The following CNTLN variants were observed in gnomAD, a reference collection of about 807,000 sequenced individuals.
The protein encoded by CNTLN is centlein, also known as centlein, centrosomal protein.
A neutral mutation model predicts 180.0 loss-of-function variants in CNTLN; 212 were observed. The observed-to-expected ratio is 1.18, with a 90% CI of 1.05 to 1.32. The LOEUF (loss-of-function observed/expected upper bound fraction) is 1.32, where lower values mean the gene tolerates loss of function less well. CNTLN is among the 40% of genes most tolerant of loss of function. The pLI is 0.00. For missense variants in CNTLN, 2,095 were observed against 1,610.9 expected (o/e 1.30, Z -5.14); for synonymous variants, 722 against 563.1 (o/e 1.28, Z -3.99).
downstream of CNTLN, among the ~76,000 whole-genome samples, chr9:17,508,597 C>T (rs899444229): frequency 1.4e-4 from 22 of 152,116 alleles, no homozygotes; most frequent in Admixed American, 6.5e-5. Flanking sequence ...AATCCCTGGC[C>T]GCCACCGACC....
intron 1 of CNTLN, among the ~76,000 whole-genome samples, chr9:17,142,688 A>T (rs557918434): frequency 1.1e-4 from 16 of 152,296 alleles, no homozygotes; most frequent in Admixed American, 8.5e-4. Flanking sequence ...CTTTTAAAAC[A>T]TACTGATGCT....
chr9:17,325,039 A>G (rs1327586126), intron 8 of CNTLN, among the ~76,000 whole-genome samples: 2 of 151,746 alleles, frequency 1.3e-5, no homozygotes, highest in East Asian at 3.9e-4. Context: ...ATTTGTTGAT[A>G]TTAGACATTT....
intron 18 of CNTLN, among the ~76,000 whole-genome samples, chr9:17,437,878 G>A (rs992763362): frequency 1.3e-5 from 2 of 152,088 alleles, no homozygotes; most frequent in African/African-American, 4.8e-5. Flanking sequence ...AGAGTTATTC[G>A]TTCCTGTCAT....
chr9:17,137,926 G>A (rs1383689378), intron 1 of CNTLN, among the ~76,000 whole-genome samples: 2 of 152,124 alleles, frequency 1.3e-5, no homozygotes, highest in South Asian at 2.1e-4. Context: ...ATGGCCCCCT[G>A]ATTAGCAACT....
At position 17,377,462 on chromosome 9, in the gene CNTLN, A is replaced by C. The variant is rs570091004; in HGVS notation, c.1988-10700A>C. 2.0e-5 allele frequency among the ~76,000 whole-genome samples: 3 copies of C among 152,240 alleles called. No homozygotes were observed. The East Asian group carries it at 5.8e-4, about 29-fold the overall frequency. ...AGGCTGAGACAGGATAATCCCTTGA[A>C]CACAGTGGGCAGAGGTTGCAGTGAG... is the stretch of plus-strand genomic sequence containing the variant. On this transcript the variant is annotated intron_variant, in intron 13 of 25. Coordinates refer to ENST00000380647, the MANE Select transcript of CNTLN (RefSeq NM_017738.4).
intron 13 of CNTLN, among the ~76,000 whole-genome samples, chr9:17,387,401 G>A (rs1587851384): frequency 6.6e-6 from 1 of 151,996 alleles, no homozygotes; most frequent in East Asian, 1.9e-4. Context: ...ATTTGTCATA[G>A]TAATTTATCT....
At chr9:17,389,015 T>C (rs1025921914) in intron 14 of CNTLN, among the ~76,000 whole-genome samples, 4 of 151,992 alleles carry the variant, frequency 2.6e-5, no homozygotes, top group African/African-American at 4.8e-5. Context: ...GATTTTAGTT[T>C]TTTACAGAAC....
rs539259339 is a variant in CNTLN, at chr9:17,290,586, T to C, written c.984-7604T>C. 2.7e-3 allele frequency among the ~76,000 whole-genome samples: 378 copies of C among 140,742 alleles called. 11 individuals are homozygous for C. Among genetic ancestry groups the C allele is most frequent in the African/African-American group, 9.3e-3 (363 of 38,938 alleles). The allele number at this position is 140,742 out of a possible 152,430, so 92.3% of individuals were successfully genotyped here. On this transcript the variant is annotated intron_variant, in intron 6 of 25. Transcript: ENST00000380647. ...TGTTTACCTAAGGAAGCCTGGGCAATGGCGGGCGCCCCTCCCCCAGCCTGG... is the reference window on the plus strand; with the variant it reads ...TGTTTACCTAAGGAAGCCTGGGCAACGGCGGGCGCCCCTCCCCCAGCCTGG...
At chr9:17,215,710 C>T (rs939901286) in intron 2 of CNTLN, among the ~76,000 whole-genome samples, 1 of 152,070 alleles carries the variant, frequency 6.6e-6, no homozygotes, top group African/African-American at 2.4e-5. Context: ...GCAGTTCGAG[C>T]TTCTTGGCCG....
chr9:17,342,935 C>T (rs1393494211), intron 12 of CNTLN, among the ~76,000 whole-genome samples: 1 of 152,230 alleles, frequency 6.6e-6, no homozygotes, highest in Non-Finnish European at 1.5e-5. Context: ...AAGCTAATTA[C>T]TGGTAGCAGC....
intron 2 of CNTLN, among the ~76,000 whole-genome samples, chr9:17,150,725 A>G (rs1332644692): frequency 6.6e-6 from 1 of 152,188 alleles, no homozygotes; most frequent in African/African-American, 2.4e-5. Flanking sequence ...CATTGAATCT[A>G]TAAATTACTT....
In CNTLN at chr9:17,416,043, T is replaced by C. The variant is rs767777719; in HGVS notation, c.2968T>C (p.Ser990Pro). ...NIILLRERII[S>P]LQQQNSVLQN... ...TATTTTATTACGAGAACGGATTATA[T>C]CCTTGCAACAACAAAACAGTGTACT... The change falls in exon 18 of 26, where the codon TCC (serine) becomes CCC (proline). Residue 990 changes from serine to proline, a missense_variant. Transcript: ENST00000380647. 6.2e-7 allele frequency: 1 copy of C among 1,613,630 alleles called. No homozygotes were observed. The highest frequency in any genetic ancestry group is 1.1e-5 in the South Asian group (1 of 91,038).
chr9:17,429,935 A>T (rs1829316978), intron 18 of CNTLN, among the ~76,000 whole-genome samples: 1 of 151,980 alleles, frequency 6.6e-6, no homozygotes. Flanking sequence ...TACTAGTTTC[A>T]TTTGAATGGA....
intron 2 of CNTLN, among the ~76,000 whole-genome samples, chr9:17,154,118 G>T (rs1819091918): frequency 6.6e-6 from 1 of 152,134 alleles, no homozygotes; most frequent in South Asian, 2.1e-4. Context: ...TTAGCTCAGA[G>T]TTGTTTGTTA....
rs1563982129 is a variant in CNTLN, at chr9:17,309,124, G to A, written c.1213G>A (p.Val405Ile). 2 of 1,610,064 alleles carry A rather than the reference G, an allele frequency of 1.2e-6. No individual in the cohort carries two copies. Among genetic ancestry groups the A allele is most frequent in the East Asian group, 2.2e-5 (1 of 44,754 alleles). Reference protein sequence around the residue: ...KSNEAMLRQSVTNLQDQLLQK... With the variant: ...KSNEAMLRQSITNLQDQLLQK... The stretch of plus-strand genomic sequence containing the variant: ...AAATGAAGCTATGCTCCGGCAAAGT[G>A]TTACTAATCTTCAGGATCAGCTATT... Residue 405 changes from valine to isoleucine, a missense_variant, in exon 8 of 26, where the codon GTT (valine) becomes ATT (isoleucine). By Grantham distance (29) the Val-to-Ile change is conservative (BLOSUM62 3). Transcript: ENST00000380647.
intron 12 of CNTLN, among the ~76,000 whole-genome samples, chr9:17,363,610 T>C (rs1360532925): frequency 1.3e-5 from 2 of 152,018 alleles, no homozygotes; most frequent in African/African-American, 4.8e-5. Context: ...TTTGACAAAG[T>C]CTAAAGTTCA....
chr9:17,302,084 A>ATG (rs1818398990), intron 7 of CNTLN: 1 of 975,910 alleles, frequency 1.0e-6, no homozygotes, highest in African/African-American at 1.9e-5. Flanking sequence ...GACTACACAT[A>ATG]TGTGTACACA....
rs760745295 is a variant in CNTLN, at chr9:17,252,568, CAT to C, written c.849+15981_849+15982del. On this transcript the variant is annotated intron_variant, in intron 5 of 25. Coordinates refer to ENST00000380647, the MANE Select transcript of CNTLN (RefSeq NM_017738.4). ...CTTTTGAGAAATGTCCATTTTTGTA[CAT>C]GTTATAATGTGATTTTTTAAAAACT... Among the ~76,000 whole-genome samples, 3 of 151,592 alleles carry C rather than the reference CAT, an allele frequency of 2.0e-5. No homozygotes were observed. The East Asian group carries it at 5.8e-4, about 29-fold the overall frequency.
rs1233388432 is a variant in CNTLN, at chr9:17,484,431, A to G, written c.3992A>G (p.Asn1331Ser). The G allele has an allele frequency of 3.7e-6, 6 of 1,607,684 alleles. No homozygotes were observed. Among genetic ancestry groups the G allele is most frequent in the Non-Finnish European group, 4.2e-6 (5 of 1,178,554 alleles). Residue 1331 changes from asparagine (N) to serine (S), a missense_variant, in exon 24 of 26, where the codon AAC becomes AGC. By Grantham distance (46) the Asn-to-Ser change is conservative. Transcript: ENST00000380647. ...KAQTLAASIL[N>S]ISRSDLEEIL... ...CAGACCTTGGCAGCTTCTATCCTGA[A>G]CATTTCACGGTCAGATTTAGAGGAA...
Sources: allele counts gnomAD v4.1 joint callset (sites outside exome capture counted in the v4.1 genomes callset), GRCh38; gene constraint gnomAD v4.1.1; transcripts MANE v1.5; gene names NCBI Gene and HGNC (gene_info 2026-07-23, HGNC 2026-07-21).